Variants in OBP2B observed in about 807,000 individuals in gnomAD.
OBP2B encodes the protein odorant-binding protein 2b.
In OBP2B, 10 loss-of-function variants were observed where a neutral mutation model predicts 21.7. The observed-to-expected ratio is 0.46, with a 90% CI of 0.28 to 0.78. OBP2B has a LOEUF of 0.78. Among genes scored for constraint, OBP2B ranks in the 30% least tolerant of loss-of-function variants. The pLI is 0.11. For missense variants in OBP2B, 153 were observed against 217.7 expected, an observed-to-expected ratio of 0.70 and a Z score of 1.87; for synonymous variants, 73 against 91.5, an observed-to-expected ratio of 0.80 and a Z score of 1.16.
the OBP2B span, among the ~76,000 whole-genome samples, chr9:133,215,170 A>C: frequency 6.6e-6 from 1 of 152,234 alleles, no homozygotes; most frequent in South Asian, 2.1e-4. Context: ...AATACTACTT[A>C]TAGTGGCTAA....
rs554425818 is a variant in OBP2B, at chr9:133,205,485, C to G, written c.*2-74G>C. ...GAGGCCAGGGCCAGAGCTCCCTCCC[C>G]AGGCTCTGCAGCCCCCACATCGGCC... On this transcript the variant is annotated intron_variant, in intron 6 of 6. Transcript: ENST00000372034. 135 of 980,532 alleles carry G rather than the reference C, an allele frequency of 1.4e-4. 1 individual carries two copies. The African/African-American group carries it at 2.1e-3, about 15-fold the overall frequency. The allele number at this position is 980,532 out of a possible 1,614,324, so 60.7% of individuals were successfully genotyped here.
the OBP2B span, among the ~76,000 whole-genome samples, chr9:133,214,947 A>G: frequency 6.6e-6 from 1 of 152,208 alleles, no homozygotes; most frequent in Non-Finnish European, 1.5e-5. Context: ...AAAGACATAC[A>G]AATTGGAAAG....
chr9:133,214,950 T>C, the OBP2B span, among the ~76,000 whole-genome samples: 2 of 152,026 alleles, frequency 1.3e-5, no homozygotes, highest in Non-Finnish European at 2.9e-5. Flanking sequence ...GACATACAAA[T>C]TGGAAAGGAA....
chr9:133,218,692 C>T, the OBP2B span, among the ~76,000 whole-genome samples: 69 of 152,128 alleles, frequency 4.5e-4, no homozygotes, highest in Non-Finnish European at 7.5e-4. Flanking sequence ...TGGATCATGG[C>T]AGCTTTATGC....
chr9:133,205,526 C>T (rs1361975134), intron 6 of OBP2B, 115 bp from the exon 7 acceptor site: 21 of 724,914 alleles, frequency 2.9e-5, no homozygotes, highest in Non-Finnish European at 3.8e-5. Flanking sequence ...TGGGCAACCT[C>T]GGGGCTCCAG....
chr9:133,218,281 G>A, the OBP2B span, among the ~76,000 whole-genome samples: 542 of 152,310 alleles, frequency 3.6e-3, 4 homozygotes, highest in African/African-American at 0.013. Flanking sequence ...ATGATCCAGG[G>A]AGACCGGCCA....
At chr9:133,209,586 C>T (rs1168341472), upstream of OBP2B, among the ~76,000 whole-genome samples, 4 of 152,150 alleles carry the variant, frequency 2.6e-5, no homozygotes, top group African/African-American at 9.7e-5. This position sits in a 1 kb window ranked among gnomAD's most constrained non-coding sequence, Gnocchi z 6.0. Flanking sequence ...CTGCACCCTC[C>T]CAGGGCCACG....
intron 5 of OBP2B, 74 bp from the exon 6 acceptor site, chr9:133,206,014 G>A (rs1833694817): frequency 6.2e-7 from 1 of 1,609,838 alleles, no homozygotes; most frequent in Admixed American, 1.7e-5. Context: ...GCAGCCCAGA[G>A]CTCAGAGCCC....
At chr9:133,213,418 A>G (rs1833940069), upstream of OBP2B, among the ~76,000 whole-genome samples, 1 of 152,342 alleles carries the variant, frequency 6.6e-6, no homozygotes. Context: ...AGAAATAACA[A>G]AGATAAGAGC....
At chr9:133,212,445 A>C (rs1156366830), upstream of OBP2B, among the ~76,000 whole-genome samples, 1 of 152,226 alleles carries the variant, frequency 6.6e-6, no homozygotes, top group East Asian at 1.9e-4. Context: ...AGCCTCAAGA[A>C]ATTTTTAAAA....
At chr9:133,221,379 G>A in the OBP2B span, among the ~76,000 whole-genome samples, 1 of 152,302 alleles carries the variant, frequency 6.6e-6, no homozygotes, top group African/African-American at 2.4e-5. Flanking sequence ...TGTGCAGATT[G>A]CTTGGGTGTG....
upstream of OBP2B, among the ~76,000 whole-genome samples, chr9:133,212,239 T>C (rs1403420584): frequency 1.3e-5 from 2 of 152,218 alleles, no homozygotes; most frequent in Non-Finnish European, 2.9e-5. Flanking sequence ...CAATTATAGT[T>C]GGAGACTTCA....
At position 133,207,251 on chromosome 9, in the gene OBP2B, G is replaced by T. The variant is rs573212275; in HGVS notation, c.363C>A (p.Gly121=). 2.5e-6 allele frequency: 4 copies of T among 1,613,032 alleles called. No homozygotes were observed. The South Asian group carries it at 4.4e-5, about 18-fold the overall frequency. The change falls in exon 4 of 7, where the codon GGC becomes GGA. Residue 121 remains glycine (G), a synonymous_variant. Transcript: ENST00000372034. ...CCACAAGCTTTCCCATGTGGAGCAG[G>T]CCCCCATGGTGCTGGTCTTTGCAGT... ...IFYCKDQHHG[G]LLHMGKLVGR... is the part of the protein sequence containing the mutation.
intron 3 of OBP2B, 91 bp from the exon 4 acceptor site, chr9:133,207,427 G>C: frequency 3.3e-6 from 3 of 902,170 alleles, no homozygotes; most frequent in Non-Finnish European, 5.2e-6. Flanking sequence ...GGTCACCCAG[G>C]TGCCCTGGAC....
chr9:133,215,740 C>A, the OBP2B span, among the ~76,000 whole-genome samples: 1 of 152,192 alleles, frequency 6.6e-6, no homozygotes, highest in South Asian at 2.1e-4. Flanking sequence ...ATGCATAGAT[C>A]AATGGGACAG....
At chr9:133,211,480 C>G (rs782163820), upstream of OBP2B, among the ~76,000 whole-genome samples, 8 of 152,242 alleles carry the variant, frequency 5.3e-5, no homozygotes, top group Non-Finnish European at 1.2e-4. Flanking sequence ...GTATTCACAG[C>G]TTCCCACCTT....
At chr9:133,209,391 T>C, upstream of OBP2B, 1 of 795,442 alleles carries the variant, frequency 1.3e-6, no homozygotes, top group East Asian at 2.7e-5. The surrounding 1 kb of genome is among the most constrained non-coding windows in gnomAD (Gnocchi z 6.0). Context: ...TGGCATCTGG[T>C]GAACAGCAAG....
At chr9:133,221,633 G>C in the OBP2B span, among the ~76,000 whole-genome samples, 151 of 152,262 alleles carry the variant, frequency 9.9e-4, no homozygotes, top group African/African-American at 3.5e-3. Context: ...GAAATGCCAA[G>C]GTCTGAGCTT....
the OBP2B span, among the ~76,000 whole-genome samples, chr9:133,216,287 A>G: frequency 6.6e-6 from 1 of 151,196 alleles, no homozygotes; most frequent in Non-Finnish European, 1.5e-5. Flanking sequence ...ACACTTGACT[A>G]GAGAGGATAT....
Sources: allele counts gnomAD v4.1 joint callset (sites outside exome capture counted in the v4.1 genomes callset), GRCh38; gene constraint gnomAD v4.1.1; non-coding constraint Gnocchi (gnomAD v3.1); transcripts MANE v1.5; gene names NCBI Gene and HGNC (gene_info 2026-07-23, HGNC 2026-07-21).